GPCPD1: variants seen among roughly 807,000 people sequenced by gnomAD.
GPCPD1 encodes the protein glycerophosphocholine phosphodiesterase 1.
GPCPD1 carries 29 observed loss-of-function variants against 89.2 expected under a neutral mutation model. The ratio of observed to expected loss-of-function variants is 0.33; its 90% CI spans 0.24 to 0.44. GPCPD1 has a LOEUF of 0.44. Ranked by LOEUF, GPCPD1 falls within the 20% of genes least tolerant of loss-of-function variation. GPCPD1 has a pLI of 1.00. For synonymous variants in GPCPD1, 258 were observed against 266.3 expected (o/e 0.97, Z 0.30); for missense variants, 594 against 808.9 (o/e 0.73, Z 3.22).
intron 15 of GPCPD1, among the ~76,000 whole-genome samples, chr20:5,562,284 A>ATAT (rs542457042): frequency 6.6e-6 from 1 of 152,074 alleles, no homozygotes; most frequent in African/African-American, 2.4e-5. Context: ...AGATTATGTT[A>ATAT]TATTATTATT....
intron 19 of GPCPD1, chr20:5,549,241 T>C (rs528602407): frequency 9.1e-6 from 7 of 770,966 alleles, no homozygotes; most frequent in African/African-American, 3.4e-5. Context: ...CTGTGTCTTA[T>C]TGGAGAATCT....
At chr20:5,581,927 G>A (rs1978530841) in intron 6 of GPCPD1, among the ~76,000 whole-genome samples, 1 of 140,192 alleles carries the variant, frequency 7.1e-6, no homozygotes, top group South Asian at 2.2e-4. Context: ...GCTCACGCCT[G>A]TAATCCCAGC....
At position 5,580,083 on chromosome 20, in the gene GPCPD1, AT is replaced by A; in HGVS notation, c.397del (p.Ile133Ter). ...TTCAGAATAATGCAAACGTAATCTTATTTCAGTCTGACATGTCAGCCATCCA... is the reference window on the plus strand; with the variant it reads ...TTCAGAATAATGCAAACGTAATCTTATTCAGTCTGACATGTCAGCCATCCA... ...DSGWLTCQTE[I>X]RLRLHYSEKP... On this transcript the variant is annotated frameshift_variant, in exon 7 of 20. Transcript: ENST00000379019. LOFTEE classifies it high-confidence loss of function. 1 of 1,498,550 alleles carries A rather than the reference AT, an allele frequency of 6.7e-7. No homozygotes were observed. The highest frequency in any genetic ancestry group is 9.3e-7 in the Non-Finnish European group (1 of 1,075,520). The allele number at this position is 1,498,550 out of a possible 1,614,324, so 92.8% of individuals were successfully genotyped here.
intron 19 of GPCPD1, among the ~76,000 whole-genome samples, chr20:5,556,121 T>C (rs1985753350): frequency 1.3e-5 from 2 of 152,240 alleles, no homozygotes; most frequent in South Asian, 4.1e-4. Flanking sequence ...TAGCATTTCC[T>C]AGTAATAACG....
chr20:5,591,881 G>A (rs1979352424), intron 4 of GPCPD1, among the ~76,000 whole-genome samples: 1 of 152,106 alleles, frequency 6.6e-6, no homozygotes, highest in Non-Finnish European at 1.5e-5. Flanking sequence ...ACACGATACA[G>A]AGCACCTACT....
intron 6 of GPCPD1, among the ~76,000 whole-genome samples, chr20:5,580,579 A>G (rs1420301590): frequency 6.6e-6 from 1 of 151,710 alleles, no homozygotes; most frequent in African/African-American, 2.4e-5. Context: ...CAAAAAAAAT[A>G]GCCGGGCGTG....
Position 5,573,969 on chromosome 20 carries a change from C to A in GPCPD1, c.1002G>T (p.Gln334His), listed in dbSNP as rs754305835. ...RGAGNSTTTA[Q>H]LAKVQENTIA... ...TAGTATTTTCTTGAACTTTAGCCAGCCTGAAAAGAAGAAATACAGTTAACA... is the reference window on the plus strand; with the variant it reads ...TAGTATTTTCTTGAACTTTAGCCAGACTGAAAAGAAGAAATACAGTTAACA... Residue 334 changes from glutamine (Q) to histidine (H), a missense_variant and splice_region_variant, in exon 11 of 20, where the codon CAG becomes CAT. Transcript: ENST00000379019. 2 of 1,452,028 alleles carry A rather than the reference C, an allele frequency of 1.4e-6. No homozygotes were observed. The highest frequency in any genetic ancestry group is 1.4e-5 in the African/African-American group (1 of 71,792). The allele number at this position is 1,452,028 out of a possible 1,614,324, so 89.9% of individuals were successfully genotyped here. A position where few individuals can be genotyped will look rare whatever the true frequency, so the allele number is the denominator to read the frequency against.
At chr20:5,574,006 G>A in intron 10 of GPCPD1, 37 bp from the exon 11 acceptor site, 1 of 1,012,482 alleles carries the variant, frequency 9.9e-7, no homozygotes, top group Non-Finnish European at 1.6e-6. Flanking sequence ...AGACTATAGA[G>A]AAGATAAAGA....
intron 14 of GPCPD1, among the ~76,000 whole-genome samples, chr20:5,565,521 G>T (rs938875925): frequency 1.3e-5 from 2 of 152,048 alleles, no homozygotes; most frequent in African/African-American, 4.8e-5. Flanking sequence ...GAGCCACCGT[G>T]TCCAGCCCCT....
At chr20:5,608,452 A>G (rs1178216682) in intron 1 of GPCPD1, among the ~76,000 whole-genome samples, 2 of 152,154 alleles carry the variant, frequency 1.3e-5, no homozygotes, top group Non-Finnish European at 2.9e-5. Context: ...AGCTGTTCCA[A>G]ATGCAATTCA....
chr20:5,565,824 T>C (rs928920630), intron 14 of GPCPD1, among the ~76,000 whole-genome samples: 15 of 152,322 alleles, frequency 9.8e-5, no homozygotes, highest in African/African-American at 3.1e-4. Flanking sequence ...ACAGCAACTA[T>C]TGTGCTTTTG....
In GPCPD1 at chr20:5,584,321, TTCTAGA is replaced by T; in HGVS notation, c.308-5_308del. 1 of 1,378,582 alleles carries T rather than the reference TTCTAGA, an allele frequency of 7.3e-7. No homozygotes were observed. Among genetic ancestry groups the T allele is most frequent in the African/African-American group, 1.4e-5 (1 of 70,482 alleles). 85.4% of individuals were successfully genotyped at this position (1,378,582 alleles called of 1,614,324 possible). ...GTCCATCGTCAATAATAATTTCGCTTTCTAGAATTTAAGGAAAATAGAAAATTTAGT... is the reference window on the plus strand; with the variant it reads ...GTCCATCGTCAATAATAATTTCGCTTATTTAAGGAAAATAGAAAATTTAGT... On this transcript the variant is annotated splice_acceptor_variant and splice_polypyrimidine_tract_variant and coding_sequence_variant and intron_variant, in exon 6 of 20. Transcript: ENST00000379019. LOFTEE classifies it high-confidence loss of function.
intron 12 of GPCPD1, among the ~76,000 whole-genome samples, chr20:5,569,590 C>T (rs1986594056): frequency 6.6e-6 from 1 of 152,104 alleles, no homozygotes; most frequent in African/African-American, 2.4e-5. Context: ...TGCTGCTCGC[C>T]CTGCCTGCAG....
chr20:5,593,469 A>C, intron 3 of GPCPD1, 58 bp from the exon 4 acceptor site: 1 of 869,534 alleles, frequency 1.2e-6, no homozygotes, highest in African/African-American at 1.7e-5. Flanking sequence ...GTGCATAAAG[A>C]CTTCTTAATT....
chr20:5,556,252 G>A (rs991076516), intron 19 of GPCPD1, among the ~76,000 whole-genome samples: 3 of 152,096 alleles, frequency 2.0e-5, no homozygotes, highest in Non-Finnish European at 4.4e-5. Context: ...CTGTCACCCA[G>A]ACTGGAGTGC....
chr20:5,593,776 A>G (rs1979504265), intron 3 of GPCPD1, among the ~76,000 whole-genome samples: 1 of 152,224 alleles, frequency 6.6e-6, no homozygotes, highest in African/African-American at 2.4e-5. Context: ...AGCCAGGATA[A>G]GTTTCCAAAC....
chr20:5,568,230 G>GTATATATATA (rs3057280), intron 12 of GPCPD1, among the ~76,000 whole-genome samples: 28 of 145,532 alleles, frequency 1.9e-4, no homozygotes, highest in African/African-American at 6.8e-4. Context: ...AATATACTTA[G>GTATATATATA]TATATATATA....
intron 1 of GPCPD1, among the ~76,000 whole-genome samples, chr20:5,608,013 T>C (rs1980714154): frequency 6.6e-6 from 1 of 152,204 alleles, no homozygotes; most frequent in African/African-American, 2.4e-5. Context: ...TTAAATAGTT[T>C]GTATTTTGCT....
At chr20:5,558,267 TCATA>T (rs1985888493) in intron 18 of GPCPD1, among the ~76,000 whole-genome samples, 162 bp from the exon 19 acceptor site, 1 of 152,148 alleles carries the variant, frequency 6.6e-6, no homozygotes, top group Non-Finnish European at 1.5e-5. Context: ...AATGGACACT[TCATA>T]CATAAATATA....
Sources: allele counts gnomAD v4.1 joint callset (sites outside exome capture counted in the v4.1 genomes callset), GRCh38; gene constraint gnomAD v4.1.1; transcripts MANE v1.5; gene names NCBI Gene and HGNC (gene_info 2026-07-23, HGNC 2026-07-21).